PHACTR4: variants seen among roughly 807,000 people sequenced by gnomAD.
PHACTR4 encodes the protein phosphatase and actin regulator 4.
In PHACTR4, 51 loss-of-function variants were observed where a neutral mutation model predicts 72.7. That is an observed-to-expected ratio of 0.70 (90% confidence interval 0.56 to 0.89). The LOEUF (loss-of-function observed/expected upper bound fraction) is 0.89, where lower values mean the gene tolerates loss of function less well. Ranked by LOEUF, PHACTR4 falls within the 40% of genes least tolerant of loss-of-function variation. PHACTR4 has a pLI of 0.00. For missense variants in PHACTR4, 731 were observed against 861.8 expected (o/e 0.85, Z 1.90); for synonymous variants, 255 against 302.5 (o/e 0.84, Z 1.63).
chr1:28,380,051 C>T (rs185477301), intron 1 of PHACTR4, among the ~76,000 whole-genome samples: 36,004 of 117,638 alleles, frequency 0.31, 5,840 homozygotes, highest in Middle Eastern at 0.42. Context: ...TTAAATGTAA[C>T]TTTTTTTTTT....
chr1:28,434,197 C>G (rs913321391), intron 2 of PHACTR4, among the ~76,000 whole-genome samples: 8 of 152,168 alleles, frequency 5.3e-5, no homozygotes, highest in Non-Finnish European at 1.0e-4. Context: ...GTCCGGGAGT[C>G]AGACTAAGGA....
Position 28,473,672 on chromosome 1 carries a change from CACCACAAAAACACCA to C in PHACTR4, c.944_958del (p.Thr315_Pro319del), listed in dbSNP as rs1264833341. On this transcript the variant is annotated inframe_deletion, in exon 7 of 14. Coordinates refer to ENST00000373839, the MANE Select transcript of PHACTR4 (RefSeq NM_001048183.3). ...CCACCTTGGAGTCTGCTGCTGCCAT[CACCACAAAAACACCA>C]AGTGATGAAAGAGAGAAGAGCACGT... The C allele has an allele frequency of 6.2e-7, 1 of 1,613,990 alleles. No individual in the cohort carries two copies. The highest frequency in any genetic ancestry group is 2.2e-5 in the East Asian group (1 of 44,896).
intron 2 of PHACTR4, among the ~76,000 whole-genome samples, chr1:28,458,097 GGTGTGTGTGTTTGTGTGTGTGTGTGTGT>G (rs1427434894): frequency 1.1e-4 from 15 of 135,212 alleles, no homozygotes; most frequent in African/African-American, 8.2e-5. Flanking sequence ...TTAATATTAT[GGTGTGTGTGTTTGTGTGTGTGTGTGTGT>G]GTGTGTGTGT....
chr1:28,403,607 T>C (rs1195428630), intron 1 of PHACTR4, among the ~76,000 whole-genome samples: 1 of 152,216 alleles, frequency 6.6e-6, no homozygotes, highest in Non-Finnish European at 1.5e-5. Context: ...AATTTATAAT[T>C]ACAGTTTATA....
rs202061695 is a variant in PHACTR4, at chr1:28,473,767, C to A, written c.1037C>A (p.Pro346Gln). The A allele has an allele frequency of 3.5e-5, 56 of 1,613,998 alleles. No individual in the cohort carries two copies. Among genetic ancestry groups the A allele is most frequent in the Non-Finnish European group, 4.6e-5 (54 of 1,180,040 alleles). ...PMISPRSPSP[P>Q]LPTHIPPEPP... ...ATCTCACCTCGCTCTCCGTCCCCCC[C>A]ACTGCCTACTCATATACCTCCAGAG... Residue 346 changes from proline to glutamine, a missense_variant, in exon 7 of 14, where the codon CCA becomes CAA. Pro to Gln is a moderately conservative substitution (Grantham distance 76). Around this residue, in one of 2 missense-constraint regions of PHACTR4, gnomAD observed 621 missense variants for 676.6 expected, o/e 0.92. Coordinates refer to ENST00000373839, the MANE Select transcript of PHACTR4 (RefSeq NM_001048183.3).
At chr1:28,421,896 G>A (rs1010237712) in intron 2 of PHACTR4, among the ~76,000 whole-genome samples, 1 of 152,180 alleles carries the variant, frequency 6.6e-6, no homozygotes, top group African/African-American at 2.4e-5. Context: ...GTTGGTTTCA[G>A]TGAAGGCCAG....
At chr1:28,407,962 T>C (rs569481959) in intron 2 of PHACTR4, among the ~76,000 whole-genome samples, 1 of 151,528 alleles carries the variant, frequency 6.6e-6, no homozygotes, top group African/African-American at 2.4e-5. Context: ...CTACTAAAAA[T>C]ACAAAAATTT....
chr1:28,386,334 T>C (rs562733925), intron 1 of PHACTR4, among the ~76,000 whole-genome samples: 4 of 152,124 alleles, frequency 2.6e-5, no homozygotes, highest in Non-Finnish European at 5.9e-5. Context: ...CCTCAAGTGA[T>C]CTGCCTGCCT....
At chr1:28,421,464 T>C (rs1174439084) in intron 2 of PHACTR4, among the ~76,000 whole-genome samples, 1 of 152,100 alleles carries the variant, frequency 6.6e-6, no homozygotes, top group Non-Finnish European at 1.5e-5. Flanking sequence ...TCATATCAGA[T>C]TGTAATCTAT....
At chr1:28,377,524 G>A (rs1651779844) in intron 1 of PHACTR4, among the ~76,000 whole-genome samples, 1 of 151,894 alleles carries the variant, frequency 6.6e-6, no homozygotes, top group Non-Finnish European at 1.5e-5. Context: ...ACAGGCATGA[G>A]CCACCACACC....
chr1:28,445,423 T>A (rs753826672), intron 2 of PHACTR4, among the ~76,000 whole-genome samples: 2 of 152,120 alleles, frequency 1.3e-5, no homozygotes, highest in South Asian at 4.1e-4. Flanking sequence ...CAAAGATTTT[T>A]AATAAATTCT....
chr1:28,393,250 A>T (rs1209444881), intron 1 of PHACTR4, among the ~76,000 whole-genome samples: 1 of 152,208 alleles, frequency 6.6e-6, no homozygotes, highest in Admixed American at 6.6e-5. Context: ...ACCTTCTTAA[A>T]TAAAATTAGG....
intron 2 of PHACTR4, among the ~76,000 whole-genome samples, chr1:28,454,270 CTTT>C (rs945039969): frequency 1.6e-4 from 15 of 95,080 alleles, no homozygotes; most frequent in African/African-American, 4.4e-4. Context: ...ATCACTTTGT[CTTT>C]TTTTTTTTTT....
chr1:28,376,847 C>T (rs1241776239), intron 1 of PHACTR4, among the ~76,000 whole-genome samples: 3 of 149,648 alleles, frequency 2.0e-5, no homozygotes, highest in African/African-American at 5.0e-5. Flanking sequence ...CTATGTTAGC[C>T]AGGATGGTCT....
chr1:28,441,708 A>G (rs1657046489), intron 2 of PHACTR4, among the ~76,000 whole-genome samples: 1 of 152,230 alleles, frequency 6.6e-6, no homozygotes, highest in South Asian at 2.1e-4. Flanking sequence ...AAACATTGCA[A>G]TCAGGGCAGA....
At chr1:28,423,408 CAAATAAAT>C (rs148724281) in intron 2 of PHACTR4, among the ~76,000 whole-genome samples, 112 of 147,686 alleles carry the variant, frequency 7.6e-4, no homozygotes, top group Admixed American at 2.9e-3. Context: ...GATCCTGCCT[CAAATAAAT>C]AAATAAATAA....
chr1:28,437,627 A>G (rs557082029), intron 2 of PHACTR4, among the ~76,000 whole-genome samples: 16 of 152,292 alleles, frequency 1.1e-4, no homozygotes, highest in Admixed American at 5.9e-4. Context: ...TGGTTTCCAG[A>G]CAGTTGTCTT....
At chr1:28,489,520 G>C (rs1317665075) in intron 10 of PHACTR4, among the ~76,000 whole-genome samples, 1 of 152,150 alleles carries the variant, frequency 6.6e-6, no homozygotes, top group Non-Finnish European at 1.5e-5. Context: ...TATGGGAGAT[G>C]TGCCCAATTT....
At chr1:28,442,695 G>A (rs1041653132) in intron 2 of PHACTR4, among the ~76,000 whole-genome samples, 2 of 151,836 alleles carry the variant, frequency 1.3e-5, no homozygotes, top group Non-Finnish European at 2.9e-5. Flanking sequence ...TTGTAGAGAC[G>A]GGGTTTCGCC....
Sources: allele counts gnomAD v4.1 joint callset (sites outside exome capture counted in the v4.1 genomes callset), GRCh38; gene constraint gnomAD v4.1.1; regional missense constraint gnomAD v4.1.1; transcripts MANE v1.5; gene names NCBI Gene and HGNC (gene_info 2026-07-23, HGNC 2026-07-21).